The following GRM1 variants were observed in gnomAD, a reference collection of about 807,000 sequenced individuals.
The protein encoded by GRM1 is metabotropic glutamate receptor 1.
A neutral mutation model predicts 90.9 loss-of-function variants in GRM1; 33 were observed. That is an observed-to-expected ratio of 0.36 (90% confidence interval 0.28 to 0.49). The LOEUF (loss-of-function observed/expected upper bound fraction) is 0.49, where lower values mean the gene tolerates loss of function less well. Ranked by LOEUF, GRM1 falls within the 20% of genes least tolerant of loss-of-function variation. The probability of loss-of-function intolerance (pLI) is 0.99; values close to 1 mark genes in which losing one functional copy is unlikely to be tolerated. For synonymous variants in GRM1, 700 were observed against 613.2 expected (o/e 1.14, Z -2.09); for missense variants, 1,190 against 1,534.3 (o/e 0.78, Z 3.75).
In GRM1 at chr6:146,327,800, A is replaced by G. The variant is rs1784445191; in HGVS notation, c.1186+22954A>G. ...TGTCTATTTCACAATACACCCACTG[A>G]GTCCACCTCACCCCCCACTTTCCCT... On this transcript the variant is annotated intron_variant, in intron 3 of 7. Coordinates refer to ENST00000282753, the MANE Select transcript of GRM1 (RefSeq NM_001278064.2). 2.0e-5 allele frequency among the ~76,000 whole-genome samples: 3 copies of G among 152,280 alleles called. No individual in the cohort carries two copies. The South Asian group carries it at 6.2e-4, about 32-fold the overall frequency.
chr6:146,096,948 A>C (rs568096384), intron 1 of GRM1, among the ~76,000 whole-genome samples: 39 of 152,220 alleles, frequency 2.6e-4, no homozygotes, highest in African/African-American at 9.4e-4. Flanking sequence ...ATTGTTGCTT[A>C]CTTTTTTTAA....
chr6:146,044,806 T>G (rs1791263436), intron 1 of GRM1, among the ~76,000 whole-genome samples: 1 of 151,686 alleles, frequency 6.6e-6, no homozygotes, highest in African/African-American at 2.4e-5. Flanking sequence ...AAAAATCGAG[T>G]GAGTGATTAA....
intron 2 of GRM1, among the ~76,000 whole-genome samples, chr6:146,213,438 CTGCT>C (rs1779747818): frequency 6.6e-6 from 1 of 152,106 alleles, no homozygotes; most frequent in South Asian, 2.1e-4. Flanking sequence ...AAAAATCTCT[CTGCT>C]TGTAGTATAG....
intron 1 of GRM1, among the ~76,000 whole-genome samples, chr6:146,084,486 A>G (rs1401507208): frequency 6.6e-6 from 1 of 151,796 alleles, no homozygotes; most frequent in Non-Finnish European, 1.5e-5. Context: ...GCCTTAATTT[A>G]ATTATTTACC....
chr6:146,204,477 T>G, intron 2 of GRM1, among the ~76,000 whole-genome samples: 1 of 152,220 alleles, frequency 6.6e-6, no homozygotes, highest in Non-Finnish European at 1.5e-5. Context: ...GGGCACGGTC[T>G]ATTGTTAACA....
intron 6 of GRM1, among the ~76,000 whole-genome samples, chr6:146,391,990 G>T (rs1776739929): frequency 6.6e-6 from 1 of 152,208 alleles, no homozygotes; most frequent in South Asian, 2.1e-4. Flanking sequence ...CACTGTATAG[G>T]ACAGAGTTAT....
At chr6:146,417,954 A>G (rs980916214) in intron 7 of GRM1, among the ~76,000 whole-genome samples, 2 of 152,208 alleles carry the variant, frequency 1.3e-5, no homozygotes, top group East Asian at 3.9e-4. Context: ...AACTTGATCT[A>G]CCTTTTTTTT....
At chr6:146,418,144 A>T (rs80267901) in intron 7 of GRM1, among the ~76,000 whole-genome samples, 1,953 of 152,210 alleles carry the variant, frequency 0.013, 46 homozygotes, top group African/African-American at 0.045. Flanking sequence ...AAATATTAGT[A>T]CTGTGCCAAA....
intron 6 of GRM1, among the ~76,000 whole-genome samples, chr6:146,397,794 A>G (rs1191420813): frequency 4.6e-5 from 7 of 152,190 alleles, no homozygotes; most frequent in Non-Finnish European, 8.8e-5. Context: ...ATCCAAACAC[A>G]TGTTCACTGA....
At chr6:146,195,946 A>C (rs1235971566) in intron 2 of GRM1, among the ~76,000 whole-genome samples, 1 of 152,198 alleles carries the variant, frequency 6.6e-6, no homozygotes, top group Non-Finnish European at 1.5e-5. Context: ...ATGAAAAGGG[A>C]CCACAAGTCC....
chr6:146,399,530 T>G lies in GRM1; in HGVS notation c.2491T>G (p.Phe831Val), dbSNP rs1190013932. ...TGTAACAGTGGCTCTGGGGTGCATG[T>G]TCACTCCCAAGATGTACATCATTAT... ...LSVTVALGCMFTPKMYIIIAK... is the reference protein window; with the variant it reads ...LSVTVALGCMVTPKMYIIIAK... The change falls in exon 7 of 8, where the codon TTC (phenylalanine) becomes GTC (valine). Residue 831 changes from phenylalanine (F) to valine (V), a missense_variant. By Grantham distance (50) the Phe-to-Val change is conservative (BLOSUM62 -1). Around this residue, in one of 10 missense-constraint regions of GRM1, gnomAD observed 73 missense variants for 150.6 expected, o/e 0.48. Transcript: ENST00000282753. The surrounding 1 kb of genome is among the most constrained non-coding windows in gnomAD (Gnocchi z 5.4). 1 of 1,614,022 alleles carries G rather than the reference T, an allele frequency of 6.2e-7. No individual in the cohort carries two copies. The highest frequency in any genetic ancestry group is 1.3e-5 in the African/African-American group (1 of 74,916).
intron 1 of GRM1, among the ~76,000 whole-genome samples, chr6:146,151,265 G>A (rs182394481): frequency 1.1e-4 from 16 of 152,280 alleles, no homozygotes; most frequent in Admixed American, 7.8e-4. Context: ...TAGTGAAAGT[G>A]TACAAACAAA....
chr6:146,387,130 C>T, intron 6 of GRM1, 114 bp downstream of exon 6: 1 of 991,200 alleles, frequency 1.0e-6, no homozygotes. Flanking sequence ...TTACAATGCA[C>T]ACTTTTTAGT....
chr6:146,251,131 T>G (rs1048407214), intron 2 of GRM1, among the ~76,000 whole-genome samples: 53 of 152,326 alleles, frequency 3.5e-4, no homozygotes, highest in African/African-American at 1.2e-3. Flanking sequence ...GCCATCTATC[T>G]CTTTCTAAAT....
intron 2 of GRM1, among the ~76,000 whole-genome samples, chr6:146,269,820 C>CT (rs1381429667): frequency 2.9e-5 from 4 of 136,074 alleles, no homozygotes; most frequent in African/African-American, 1.5e-4. Flanking sequence ...GTCCCTGGTG[C>CT]CAAAAGTTTG....
At chr6:146,057,818 C>T (rs1410415425) in intron 1 of GRM1, among the ~76,000 whole-genome samples, 2 of 151,992 alleles carry the variant, frequency 1.3e-5, no homozygotes, top group Non-Finnish European at 1.5e-5. Context: ...GATATGTTCC[C>T]TGAAGAACTC....
chr6:146,093,233 A>G (rs1242804274), intron 1 of GRM1, among the ~76,000 whole-genome samples: 1 of 152,096 alleles, frequency 6.6e-6, no homozygotes, highest in Non-Finnish European at 1.5e-5. Context: ...TCACTAAATA[A>G]CTATGTAAGA....
At chr6:146,377,034 C>T (rs1000806060) in intron 5 of GRM1, among the ~76,000 whole-genome samples, 3 of 152,116 alleles carry the variant, frequency 2.0e-5, no homozygotes, top group Non-Finnish European at 4.4e-5. Flanking sequence ...TTGCCTTCTA[C>T]TTGGTTGTGA....
intron 2 of GRM1, among the ~76,000 whole-genome samples, chr6:146,200,063 A>G (rs1285826541): frequency 1.3e-5 from 2 of 152,050 alleles, no homozygotes; most frequent in Admixed American, 6.5e-5. Context: ...CATCCATCCA[A>G]ATGTCTTTAT....
Sources: allele counts gnomAD v4.1 joint callset (sites outside exome capture counted in the v4.1 genomes callset), GRCh38; gene constraint gnomAD v4.1.1; regional missense constraint gnomAD v4.1.1; non-coding constraint Gnocchi (gnomAD v3.1); transcripts MANE v1.5; gene names NCBI Gene and HGNC (gene_info 2026-07-23, HGNC 2026-07-21).